The following UGT1A5 variants were observed in gnomAD, a reference collection of about 807,000 sequenced individuals.
UGT1A5 encodes the protein UDP-glucuronosyltransferase 1A5.
UGT1A5 carries 29 observed loss-of-function variants against 40.3 expected under a neutral mutation model. That is an observed-to-expected ratio of 0.72 (90% CI 0.54 to 0.98). UGT1A5 has a LOEUF of 0.98. Ranked by LOEUF, UGT1A5 falls within the 50% of genes least tolerant of loss-of-function variation. The probability of loss-of-function intolerance (pLI) is 0.00; values close to 1 mark genes in which losing one functional copy is unlikely to be tolerated. For missense variants in UGT1A5, 678 were observed against 677.9 expected, an observed-to-expected ratio of 1.00 and a Z score of 0.00; for synonymous variants, 257 against 262.5, an observed-to-expected ratio of 0.98 and a Z score of 0.20.
In UGT1A5 at chr2:233,713,685, G is replaced by A. The variant is rs1039930586; in HGVS notation, c.694G>A (p.Ala232Thr). The A allele has an allele frequency of 6.2e-7, 1 of 1,613,934 alleles. No individual in the cohort carries two copies. Among genetic ancestry groups the A allele is most frequent in the South Asian group, 1.1e-5 (1 of 91,062 alleles). The change falls in exon 1 of 5, where the codon GCA (alanine) becomes ACA (threonine). Residue 232 changes from alanine to threonine, a missense_variant. Transcript: ENST00000373414. ...TTGCCATGCTGTTTCTGCTCCTTAT[G>A]CAAGCCTTGCCTCTGAGCTTTTTCA... ...YLCHAVSAPY[A>T]SLASELFQRE...
intron 1 of UGT1A5, chr2:233,744,014 C>A: frequency 9.4e-7 from 1 of 1,062,354 alleles, no homozygotes; most frequent in African/African-American, 1.7e-5. Flanking sequence ...CCTGGGCCGC[C>A]TGGAGAGACG....
intron 1 of UGT1A5, among the ~76,000 whole-genome samples, chr2:233,750,991 C>T (rs545732182): frequency 4.6e-5 from 7 of 151,894 alleles, no homozygotes; most frequent in South Asian, 2.1e-4. Flanking sequence ...AGAAGGCGGC[C>T]ACCATCCTCC....
rs34903743 is a variant in UGT1A5 at position 233,767,311 on chromosome 2, T to G, written c.999+146T>G. 5,888 of 1,514,258 alleles carry G rather than the reference T, an allele frequency of 3.9e-3. 20 individuals carry two copies. Among genetic ancestry groups the G allele is most frequent in the Admixed American group, 4.9e-3 (211 of 43,394 alleles). The allele number at this position is 1,514,258 out of a possible 1,614,324, so 93.8% of individuals were successfully genotyped here. A position where few individuals can be genotyped will look rare whatever the true frequency, so the allele number is the denominator to read the frequency against. On this transcript the variant is annotated intron_variant, in intron 2 of 4. Coordinates refer to ENST00000373414, the MANE Select transcript of UGT1A5 (RefSeq NM_019078.2). Reference sequence around the variant, plus strand: ...CCCAACTATTAATCCAAAGGTTTTTTTTGTTGTTGTGGTTGTTGTCATTGT... The same window carrying G: ...CCCAACTATTAATCCAAAGGTTTTTGTTGTTGTTGTGGTTGTTGTCATTGT...
At chr2:233,754,441 A>G (rs1275435430) in intron 1 of UGT1A5, 18 of 350,072 alleles carry the variant, frequency 5.1e-5, no homozygotes, top group Non-Finnish European at 5.6e-6. Context: ...AAGTGTTTAT[A>G]AATTCTTGGG....
At chr2:233,764,091 A>T (rs1189642052) in intron 1 of UGT1A5, among the ~76,000 whole-genome samples, 1 of 152,202 alleles carries the variant, frequency 6.6e-6, no homozygotes, top group East Asian at 1.9e-4. Flanking sequence ...AAAAGCCTAA[A>T]CTAAAAATAC....
At chr2:233,718,724 G>T (rs1307207827) in intron 1 of UGT1A5, 4 of 1,610,176 alleles carry the variant, frequency 2.5e-6, no homozygotes, top group Non-Finnish European at 3.4e-6. Flanking sequence ...ATGCTGATTT[G>T]CTAGGTGGCT....
intron 1 of UGT1A5, among the ~76,000 whole-genome samples, chr2:233,766,812 C>T (rs2126028424): frequency 6.6e-6 from 1 of 152,290 alleles, no homozygotes; most frequent in African/African-American, 2.4e-5. Context: ...GATTTTGCAT[C>T]TCAAGGATAA....
At chr2:233,729,800 A>G (rs778424052) in intron 1 of UGT1A5, 13 of 1,613,840 alleles carry the variant, frequency 8.1e-6, no homozygotes, top group South Asian at 1.1e-5. Context: ...TACATTTGCC[A>G]TGCTTTTTCT....
chr2:233,724,687 C>A (rs1436694344), intron 1 of UGT1A5, among the ~76,000 whole-genome samples: 2 of 144,326 alleles, frequency 1.4e-5, no homozygotes, highest in African/African-American at 2.6e-5. Context: ...GGATGGCGGC[C>A]GGGTGAAGAC....
At position 233,713,415 on chromosome 2, in the gene UGT1A5, C is replaced by A. The variant is rs3755320; in HGVS notation, c.424C>A (p.His142Asn). 158,193 of 1,614,046 alleles carry A rather than the reference C, an allele frequency of 0.098. 8,780 individuals are homozygous for A. The highest frequency in any genetic ancestry group is 0.2 in the South Asian group (17,819 of 91,070). The change falls in exon 1 of 5, where the codon CAT becomes AAT. Residue 142 changes from histidine (H) to asparagine (N), a missense_variant. Physicochemically the swap from His to Asn is moderately conservative, Grantham distance 68. Coordinates refer to ENST00000373414, the MANE Select transcript of UGT1A5 (RefSeq NM_019078.2). ...TAATGAGGCCCTGATCAGGCACCTG[C>A]ATGCTACTTCCTTTGATGTGGTTCT... ...LHNEALIRHL[H>N]ATSFDVVLTD...
chr2:233,753,396 G>C (rs1209022223), intron 1 of UGT1A5: 4 of 152,212 alleles, frequency 2.6e-5, no homozygotes, highest in South Asian at 2.1e-4. Context: ...GAGGGTACTA[G>C]AGCATATCCA....
rs1399305779 is a variant in UGT1A5, at chr2:233,769,284, T to C, written c.1307+845T>C. 6.6e-6 allele frequency among the ~76,000 whole-genome samples: 1 copy of C among 152,226 alleles called. No individual in the cohort carries two copies. The highest frequency in any genetic ancestry group is 1.5e-5 in the Non-Finnish European group (1 of 68,038). ...AACGATTCAAAGGGCAAATGATTTC[T>C]GGATTAAAGTTAGTATATTACTGTC... On this transcript the variant is annotated intron_variant, in intron 4 of 4. Coordinates refer to ENST00000373414, the MANE Select transcript of UGT1A5 (RefSeq NM_019078.2). The surrounding 1 kb of genome is among the most constrained non-coding windows in gnomAD (Gnocchi z 4.4).
At chr2:233,758,941 T>C (rs1697024496) in intron 1 of UGT1A5, among the ~76,000 whole-genome samples, 1 of 152,230 alleles carries the variant, frequency 6.6e-6, no homozygotes, top group Non-Finnish European at 1.5e-5. Flanking sequence ...TTCAAATCAG[T>C]CATCAGAATT....
chr2:233,749,426 C>T (rs1034149432), intron 1 of UGT1A5, among the ~76,000 whole-genome samples: 2 of 151,878 alleles, frequency 1.3e-5, no homozygotes, highest in African/African-American at 4.9e-5. Flanking sequence ...TTGCTCAAAA[C>T]TTCACTGTCA....
At chr2:233,760,521 G>A (rs2125985351) in intron 1 of UGT1A5, 2 of 1,614,238 alleles carry the variant, frequency 1.2e-6, no homozygotes, top group Non-Finnish European at 1.7e-6. Flanking sequence ...CCTTGAAGAC[G>A]TACCCTGTGC....
intron 2 of UGT1A5, 140 bp downstream of exon 2, chr2:233,767,305 G>A (rs907806050): frequency 6.6e-7 from 1 of 1,518,864 alleles, no homozygotes; most frequent in Admixed American, 2.3e-5. Flanking sequence ...TAATCCAAAG[G>A]TTTTTTTTGT....
chr2:233,744,692 A>G (rs1481135154), intron 1 of UGT1A5, among the ~76,000 whole-genome samples: 1 of 151,878 alleles, frequency 6.6e-6, no homozygotes, highest in African/African-American at 2.4e-5. Context: ...AGCTTCTGGA[A>G]AACTCCACTG....
intron 1 of UGT1A5, chr2:233,747,230 A>AGGTTCCCCT: frequency 6.2e-7 from 1 of 1,605,032 alleles, no homozygotes; most frequent in South Asian, 1.1e-5. Context: ...ACAGGACCCC[A>AGGTTCCCCT]GGTTCCCCTG....
chr2:233,743,638 G>C (rs767583424), intron 1 of UGT1A5: 1 of 1,367,318 alleles, frequency 7.3e-7, no homozygotes, highest in East Asian at 4.5e-5. Context: ...CTGGGTCGCG[G>C]AAGCTGAAGA....
Sources: allele counts gnomAD v4.1 joint callset (sites outside exome capture counted in the v4.1 genomes callset), GRCh38; gene constraint gnomAD v4.1.1; non-coding constraint Gnocchi (gnomAD v3.1); transcripts MANE v1.5; gene names NCBI Gene and HGNC (gene_info 2026-07-23, HGNC 2026-07-21).